The following USP47 variants were observed in gnomAD, a reference collection of about 807,000 sequenced individuals.
The protein encoded by USP47 is ubiquitin specific peptidase 47.
A neutral mutation model predicts 165.1 loss-of-function variants in USP47; 35 were observed. The ratio of observed to expected loss-of-function variants is 0.21; its 90% CI spans 0.16 to 0.28. The LOEUF (loss-of-function observed/expected upper bound fraction) is 0.28. Ranked by LOEUF, USP47 falls within the 10% of genes least tolerant of loss-of-function variation. The probability of loss-of-function intolerance (pLI) is 1.00; values close to 1 mark genes in which losing one functional copy is unlikely to be tolerated. For synonymous variants in USP47, 531 were observed against 544.5 expected (o/e 0.98, Z 0.35); for missense variants, 1,277 against 1,607.4 (o/e 0.79, Z 3.52).
At chr11:11,845,807 T>C (rs903196593) in intron 1 of USP47, among the ~76,000 whole-genome samples, 4 of 152,322 alleles carry the variant, frequency 2.6e-5, no homozygotes. Flanking sequence ...TTTGATAAAA[T>C]CTTTGTCTTA....
At position 11,955,859 on chromosome 11, in the gene USP47, G is replaced by A. The variant is rs547084424; in HGVS notation, c.3894-142G>A. 3.5e-5 allele frequency: 23 copies of A among 665,436 alleles called. No homozygotes were observed. The African/African-American group carries it at 3.8e-4, about 11-fold the overall frequency. 41.2% of individuals were successfully genotyped at this position (665,436 alleles called of 1,614,324 possible). On this transcript the variant is annotated intron_variant, in intron 27 of 27. Transcript: ENST00000527733. The stretch of plus-strand genomic sequence containing the variant: ...TGTGATTAACACCTTAGAAATCTGG[G>A]ACATCTCAGTATATAAAATAATATT...
intron 20 of USP47, among the ~76,000 whole-genome samples, chr11:11,947,287 G>C (rs114444603): frequency 1.3e-3 from 193 of 152,218 alleles, no homozygotes; most frequent in African/African-American, 4.5e-3. Context: ...ATTTAAGCCG[G>C]GAAGAGGTAA....
chr11:11,933,674 G>A (rs1482771113), intron 15 of USP47, among the ~76,000 whole-genome samples, 157 bp from the exon 16 acceptor site: 1 of 152,006 alleles, frequency 6.6e-6, no homozygotes, highest in African/African-American at 2.4e-5. Flanking sequence ...GACATAACTG[G>A]TGTCAATTAC....
chr11:11,887,520 G>A (rs191343801), intron 3 of USP47, among the ~76,000 whole-genome samples: 1 of 152,190 alleles, frequency 6.6e-6, no homozygotes, highest in African/African-American at 2.4e-5. Context: ...AACAAGAAGA[G>A]CTAACTATCC....
chr11:11,931,093 T>C (rs1854631878), intron 14 of USP47, among the ~76,000 whole-genome samples: 1 of 152,160 alleles, frequency 6.6e-6, no homozygotes, highest in Non-Finnish European at 1.5e-5. Context: ...TTCTTGCTAA[T>C]TCTGACTCAG....
intron 11 of USP47, among the ~76,000 whole-genome samples, chr11:11,927,213 G>C (rs987677548): frequency 6.9e-6 from 1 of 144,348 alleles, no homozygotes; most frequent in African/African-American, 2.4e-5. Flanking sequence ...TTTCCCCTCT[G>C]CCTCCCCTGA....
intron 22 of USP47, 94 bp from the exon 23 acceptor site, chr11:11,949,795 A>C: frequency 1.2e-6 from 1 of 839,790 alleles, no homozygotes; most frequent in Non-Finnish European, 1.8e-6. Context: ...CTTAATTGCA[A>C]ATAAAATGTT....
intron 8 of USP47, among the ~76,000 whole-genome samples, chr11:11,911,757 C>G (rs1853008727): frequency 2.0e-5 from 3 of 152,104 alleles, no homozygotes; most frequent in African/African-American, 4.8e-5. Context: ...ACCAACAGAT[C>G]TAATGAACAT....
chr11:11,878,776 T>G (rs1021025018), intron 1 of USP47: 1 of 152,164 alleles, frequency 6.6e-6, no homozygotes, highest in Non-Finnish European at 1.5e-5. Flanking sequence ...TTAATTTAAA[T>G]GATCTCTTGC....
intron 8 of USP47, among the ~76,000 whole-genome samples, chr11:11,919,280 A>T (rs1391684152): frequency 6.6e-6 from 1 of 151,974 alleles, no homozygotes; most frequent in Non-Finnish European, 1.5e-5. Context: ...ATATTTGAAG[A>T]TACTGTCTTA....
intron 1 of USP47, 137 bp downstream of exon 1, chr11:11,842,361 G>C (rs1038727386): frequency 8.6e-5 from 86 of 1,000,304 alleles, no homozygotes; most frequent in Non-Finnish European, 1.1e-4. Flanking sequence ...GAGGCAGTCG[G>C]GGGTGGACGG....
Position 11,884,461 on chromosome 11 carries a change from C to T in USP47, c.244-6C>T, listed in dbSNP as rs754320572. 6.4e-7 allele frequency: 1 copy of T among 1,573,326 alleles called. No homozygotes were observed. The highest frequency in any genetic ancestry group is 2.3e-5 in the East Asian group (1 of 44,022). On this transcript the variant is annotated splice_polypyrimidine_tract_variant and splice_region_variant and intron_variant, in intron 2 of 27. Transcript: ENST00000527733. ...TAATCTGAAACATTATGTTTTATGT[C>T]CATAGGCACCACTGGATCATACCAG...
At chr11:11,852,029 T>G (rs1848757263) in intron 1 of USP47, among the ~76,000 whole-genome samples, 1 of 152,208 alleles carries the variant, frequency 6.6e-6, no homozygotes, top group South Asian at 2.1e-4. Flanking sequence ...TTTTTCCCTT[T>G]AATAATTATT....
intron 1 of USP47, among the ~76,000 whole-genome samples, chr11:11,878,271 G>A (rs11022073): frequency 0.037 from 5,574 of 152,102 alleles, 334 homozygotes; most frequent in East Asian, 0.27. Flanking sequence ...AATTCTTAGC[G>A]TTGTCTTCCT....
At position 11,880,784 on chromosome 11, in the gene USP47, G is replaced by A. The variant is rs547800504; in HGVS notation, c.243+404G>A. The stretch of plus-strand genomic sequence containing the variant: ...AATATTCATAGTAAGAAAAATGGAA[G>A]CATATATGCCTCATACATTACAGTG... On this transcript the variant is annotated intron_variant, in intron 2 of 27. Transcript: ENST00000527733. Among the ~76,000 whole-genome samples the A allele has an allele frequency of 5.3e-5, 8 of 152,198 alleles. No individual in the cohort carries two copies. The South Asian group carries it at 6.2e-4, about 12-fold the overall frequency.
At chr11:11,938,766 G>A (rs1034815115) in intron 18 of USP47, among the ~76,000 whole-genome samples, 5 of 151,948 alleles carry the variant, frequency 3.3e-5, no homozygotes, top group Admixed American at 6.6e-5. Context: ...CTAGACTAGC[G>A]TTCCACATGC....
At chr11:11,886,606 A>G (rs923453395) in intron 3 of USP47, among the ~76,000 whole-genome samples, 2 of 152,224 alleles carry the variant, frequency 1.3e-5, no homozygotes, top group African/African-American at 4.8e-5. Flanking sequence ...AAGAGACCAA[A>G]CGTACAACTG....
rs1374419312 is a variant in USP47 at position 11,956,190 on chromosome 11, C to T, written c.*15C>T. On this transcript the variant is annotated 3_prime_UTR_variant, in exon 28 of 28. Coordinates refer to ENST00000527733, the MANE Select transcript of USP47 (RefSeq NM_001282659.2). ...CTCAAGACTGACTCTGATAGTGTAG[C>T]ATTTTCCCTGGGGGAGTTTTGGTTT... 7 of 1,612,192 alleles carry T rather than the reference C, an allele frequency of 4.3e-6. No individual in the cohort carries two copies. The highest frequency in any genetic ancestry group is 5.9e-6 in the Non-Finnish European group (7 of 1,179,472).
intron 21 of USP47, 96 bp from the exon 22 acceptor site, chr11:11,948,382 T>C: frequency 9.3e-7 from 1 of 1,077,580 alleles, no homozygotes; most frequent in East Asian, 2.5e-5. Flanking sequence ...AGAGAGCCTA[T>C]AATCTAGAGT....
Sources: allele counts gnomAD v4.1 joint callset (sites outside exome capture counted in the v4.1 genomes callset), GRCh38; gene constraint gnomAD v4.1.1; transcripts MANE v1.5; gene names NCBI Gene and HGNC (gene_info 2026-07-23, HGNC 2026-07-21).